ZNF280B: variants seen among roughly 807,000 people sequenced by gnomAD.
The protein encoded by ZNF280B is zinc finger protein 280B, also known as suppressor of hairy wing homolog 2.
ZNF280B carries 16 observed loss-of-function variants against 38.0 expected under a neutral mutation model. The observed-to-expected ratio is 0.42, with a 90% CI of 0.28 to 0.64. The LOEUF (loss-of-function observed/expected upper bound fraction) is 0.64, where lower values mean the gene tolerates loss of function less well. ZNF280B is among the 30% of genes least tolerant of loss of function. The pLI is 0.21. For missense variants in ZNF280B, 581 were observed against 639.6 expected (o/e 0.91, Z 0.99); for synonymous variants, 253 against 230.6 (o/e 1.10, Z -0.88).
chr22:22,488,553 A>G lies in ZNF280B; in HGVS notation c.846T>C (p.Ile282=), dbSNP rs16989017. 1 of 1,613,902 alleles carries G rather than the reference A, an allele frequency of 6.2e-7. No individual in the cohort carries two copies. Among genetic ancestry groups the G allele is most frequent in the Non-Finnish European group, 8.5e-7 (1 of 1,179,972 alleles). Residue 282 remains isoleucine (I), a synonymous_variant, in exon 4 of 4, where the codon ATT becomes ATC. Coordinates refer to ENST00000626650, the MANE Select transcript of ZNF280B (RefSeq NM_080764.4). ...KTFDPKKENP[I]VLLSDFYYGQ... ...CATAGTAAAAGTCACTAAGTAACAC[A>G]ATGGGATTTTCTTTCTTGGGATCAA...
chr22:22,495,333 T>C (rs184076617), intron 2 of ZNF280B, among the ~76,000 whole-genome samples: 37 of 152,080 alleles, frequency 2.4e-4, no homozygotes, highest in African/African-American at 4.1e-4. Flanking sequence ...TGAGTGCTTA[T>C]TGTGTGCCAG....
chr22:22,497,338 C>A (rs530402400), intron 2 of ZNF280B, among the ~76,000 whole-genome samples: 1 of 149,702 alleles, frequency 6.7e-6, no homozygotes, highest in African/African-American at 2.5e-5. Flanking sequence ...CGAGACCAGC[C>A]TGACCAACAT....
rs572953906 is a variant in ZNF280B, at chr22:22,488,599, A to G, written c.800T>C (p.Leu267Pro). 3 of 1,613,906 alleles carry G rather than the reference A, an allele frequency of 1.9e-6. No homozygotes were observed. Among genetic ancestry groups the G allele is most frequent in the South Asian group, 1.1e-5 (1 of 91,070 alleles). The change falls in exon 4 of 4, where the codon CTA (leucine) becomes CCA (proline). Residue 267 changes from leucine to proline, a missense_variant. Transcript: ENST00000626650. ...NELAKTDILS[L>P]TSQNKTFDPK... is the part of the protein sequence containing the mutation. ...ATCAAAGGTCTTGTTTTGACTTGTTAGACTCAAAATGTCTGTTTTTGCCAA... is the reference window on the plus strand; with the variant it reads ...ATCAAAGGTCTTGTTTTGACTTGTTGGACTCAAAATGTCTGTTTTTGCCAA...
chr22:22,500,455 TGAG>T (rs889208777), intron 2 of ZNF280B, among the ~76,000 whole-genome samples: 3 of 151,890 alleles, frequency 2.0e-5, no homozygotes, highest in Admixed American at 1.3e-4. Flanking sequence ...GTTTGAACCT[TGAG>T]GATATTATGC....
Position 22,500,975 on chromosome 22 carries a change from G to A in ZNF280B, c.-186-6795C>T, listed in dbSNP as rs184517865. 3.8e-3 allele frequency among the ~76,000 whole-genome samples: 491 copies of A among 130,860 alleles called. 7 individuals carry two copies. The highest frequency in any genetic ancestry group is 0.022 in the East Asian group (96 of 4,322). 85.8% of individuals were successfully genotyped at this position (130,860 alleles called of 152,430 possible). A position where few individuals can be genotyped will look rare whatever the true frequency, so the allele number is the denominator to read the frequency against. On this transcript the variant is annotated intron_variant, in intron 2 of 3. Transcript: ENST00000626650. ...GCAGAAGTTGCAGTGAGTGGAGATC[G>A]CACCACTGCACTCCAGCCTGGGCAA...
chr22:22,506,886 T>C (rs1013142421), intron 2 of ZNF280B, among the ~76,000 whole-genome samples: 4 of 151,950 alleles, frequency 2.6e-5, no homozygotes, highest in Non-Finnish European at 5.9e-5. Flanking sequence ...AAGATGGCCC[T>C]AAATGAATCC....
intron 3 of ZNF280B, among the ~76,000 whole-genome samples, chr22:22,491,365 C>T (rs1466220149): frequency 1.3e-5 from 2 of 150,422 alleles, no homozygotes; most frequent in African/African-American, 4.9e-5. Flanking sequence ...ATATGGAGTC[C>T]AATTACACAA....
chr22:22,496,279 T>C (rs2061692820), intron 2 of ZNF280B, among the ~76,000 whole-genome samples: 1 of 148,490 alleles, frequency 6.7e-6, no homozygotes, highest in African/African-American at 2.5e-5. Context: ...TGTATTTTTA[T>C]TAGAGATGGG....
At chr22:22,508,561 A>T (rs2061988380) in intron 1 of ZNF280B, 98 bp downstream of exon 1, 1 of 152,094 alleles carries the variant, frequency 6.6e-6, no homozygotes, top group Non-Finnish European at 1.5e-5. Flanking sequence ...GCGCACGGCC[A>T]AGCGCGGTGT....
rs35870543 is a variant in ZNF280B, at chr22:22,488,462, C to A, written c.937G>T (p.Val313Leu). ...THTTFKCLSC[V>L]KVLKNVKFMN... Reference sequence around the variant, plus strand: ...AACTTAACATTTTTTAGAACTTTCACGCAGCTGAGGCATTTAAAGGTGGTG... The same window carrying A: ...AACTTAACATTTTTTAGAACTTTCAAGCAGCTGAGGCATTTAAAGGTGGTG... The change falls in exon 4 of 4, where the codon GTG becomes TTG. Residue 313 changes from valine (V) to leucine (L), a missense_variant. Transcript: ENST00000626650. 1 of 1,613,860 alleles carries A rather than the reference C, an allele frequency of 6.2e-7. No homozygotes were observed. The highest frequency in any genetic ancestry group is 8.5e-7 in the Non-Finnish European group (1 of 1,179,978).
intron 2 of ZNF280B, among the ~76,000 whole-genome samples, chr22:22,499,114 G>A (rs2061763622): frequency 6.7e-6 from 1 of 150,036 alleles, no homozygotes; most frequent in Non-Finnish European, 1.5e-5. Flanking sequence ...CCCTTACAGA[G>A]GCAAAAATCC....
In ZNF280B at chr22:22,484,886, T is replaced by C. The variant is rs143783742; in HGVS notation, c.*2881A>G. 524 of 151,994 alleles carry C rather than the reference T, an allele frequency of 3.4e-3. No individual in the cohort carries two copies. The highest frequency in any genetic ancestry group is 4.5e-3 in the Non-Finnish European group (308 of 67,922). The allele number at this position is 151,994 out of a possible 1,614,324, so 9.4% of individuals were successfully genotyped here. A position where few individuals can be genotyped will look rare whatever the true frequency, so the allele number is the denominator to read the frequency against. Reference sequence around the variant, plus strand: ...TTTTTTTTTTTAAAGGGAGATCTCATTGTCAGTGGCATTTTAAGAGCCTTG... The same window carrying C: ...TTTTTTTTTTTAAAGGGAGATCTCACTGTCAGTGGCATTTTAAGAGCCTTG... On this transcript the variant is annotated 3_prime_UTR_variant, in exon 4 of 4. Coordinates refer to ENST00000626650, the MANE Select transcript of ZNF280B (RefSeq NM_080764.4).
At chr22:22,491,920 A>C (rs909521846) in intron 3 of ZNF280B, among the ~76,000 whole-genome samples, 1 of 152,010 alleles carries the variant, frequency 6.6e-6, no homozygotes, top group Non-Finnish European at 1.5e-5. Context: ...TTCTAAAAAC[A>C]TATCAAGATT....
chr22:22,488,072 T>C lies in ZNF280B; in HGVS notation c.1327A>G (p.Thr443Ala). The change falls in exon 4 of 4, where the codon ACA (threonine) becomes GCA (alanine). Residue 443 changes from threonine to alanine, a missense_variant. Thr to Ala is a moderately conservative substitution (Grantham distance 58). Coordinates refer to ENST00000626650, the MANE Select transcript of ZNF280B (RefSeq NM_080764.4). ...TAATGACACATGTATGGTGTTGCTG[T>C]TTTGAAAATTTTGAGACAAAAGGGA... ...LCPFCLKIFK[T>A]ATPYMCHYRG... 2 of 1,613,924 alleles carry C rather than the reference T, an allele frequency of 1.2e-6. No individual in the cohort carries two copies. The highest frequency in any genetic ancestry group is 1.7e-6 in the Non-Finnish European group (2 of 1,179,972).
At chr22:22,499,421 C>T (rs1451890704) in intron 2 of ZNF280B, among the ~76,000 whole-genome samples, 2 of 151,766 alleles carry the variant, frequency 1.3e-5, no homozygotes, top group South Asian at 2.1e-4. Flanking sequence ...TGCGTCACCA[C>T]GCCCAGCTAA....
At position 22,489,428 on chromosome 22, in the gene ZNF280B, G is replaced by A. The variant is rs916538731; in HGVS notation, c.-30C>T. On this transcript the variant is annotated 5_prime_UTR_variant, in exon 4 of 4. Transcript: ENST00000626650. ...TAATTTTTTTATTCCTGAATGGTGGGGCCACAAGTCCCAATGCTTCCTTTA... is the reference window on the plus strand; with the variant it reads ...TAATTTTTTTATTCCTGAATGGTGGAGCCACAAGTCCCAATGCTTCCTTTA... 6.4e-7 allele frequency: 1 copy of A among 1,555,320 alleles called. No individual in the cohort carries two copies. Among genetic ancestry groups the A allele is most frequent in the Non-Finnish European group, 8.7e-7 (1 of 1,155,586 alleles).
chr22:22,498,793 C>CTTTTTTTTTTTTT (rs60940298), intron 2 of ZNF280B, among the ~76,000 whole-genome samples: 2 of 83,654 alleles, frequency 2.4e-5, no homozygotes, highest in African/African-American at 5.0e-5. Context: ...GGCCAATATC[C>CTTTTTTTTTTTTT]TTTTTTTTTT....
At position 22,487,728 on chromosome 22, in the gene ZNF280B, T is replaced by G. The variant is rs755527914; in HGVS notation, c.*39A>C. The G allele has an allele frequency of 2.0e-6, 3 of 1,513,876 alleles. No homozygotes were observed. The highest frequency in any genetic ancestry group is 2.6e-6 in the Non-Finnish European group (3 of 1,132,790). The allele number at this position is 1,513,876 out of a possible 1,614,324, so 93.8% of individuals were successfully genotyped here. A position where few individuals can be genotyped will look rare whatever the true frequency, so the allele number is the denominator to read the frequency against. On this transcript the variant is annotated 3_prime_UTR_variant, in exon 4 of 4. Coordinates refer to ENST00000626650, the MANE Select transcript of ZNF280B (RefSeq NM_080764.4). Reference sequence around the variant, plus strand: ...TTTTGTTTTATGAGGTTTTTTAATTTGGTTTGAAATACTTGCTTTAGATTT... The same window carrying G: ...TTTTGTTTTATGAGGTTTTTTAATTGGGTTTGAAATACTTGCTTTAGATTT...
rs767384675 is a variant in ZNF280B at position 22,489,178 on chromosome 22, T to C, written c.221A>G (p.Lys74Arg). 1.2e-6 allele frequency: 2 copies of C among 1,613,810 alleles called. No homozygotes were observed. The highest frequency in any genetic ancestry group is 1.7e-6 in the Non-Finnish European group (2 of 1,179,946). Residue 74 changes from lysine to arginine, a missense_variant, in exon 4 of 4, where the codon AAG (lysine) becomes AGG (arginine). By Grantham distance (26) the Lys-to-Arg change is conservative (BLOSUM62 2). Transcript: ENST00000626650. ...AGTATCTTTTCTAAGGTGATCATACTTTTTTCTCCTTGACCATGAACCCGG... is the reference window on the plus strand; with the variant it reads ...AGTATCTTTTCTAAGGTGATCATACCTTTTTCTCCTTGACCATGAACCCGG... ...VTPGSWSRRK[K>R]YDHLRKDTAR...
Sources: allele counts gnomAD v4.1 joint callset (sites outside exome capture counted in the v4.1 genomes callset), GRCh38; gene constraint gnomAD v4.1.1; transcripts MANE v1.5; gene names NCBI Gene and HGNC (gene_info 2026-07-23, HGNC 2026-07-21).